Variants in PLG observed in about 807,000 individuals in gnomAD.
The protein encoded by PLG is plasmin.
Under a neutral mutation model 104.4 loss-of-function variants are expected in PLG, and 41 were observed. The observed-to-expected ratio is 0.39, with a 90% confidence interval of 0.31 to 0.51. PLG has a LOEUF of 0.51. PLG is among the 20% of genes least tolerant of loss of function. The pLI is 0.76. For missense variants in PLG, 891 were observed against 1,003.6 expected, an observed-to-expected ratio of 0.89 and a Z score of 1.52; for synonymous variants, 337 against 357.1, an observed-to-expected ratio of 0.94 and a Z score of 0.63.
chr6:160,718,456 A>T lies in PLG; in HGVS notation c.950A>T (p.Lys317Ile), dbSNP rs777354540. Residue 317 changes from lysine to isoleucine, a missense_variant and splice_region_variant, in exon 8 of 19, where the codon AAA becomes ATA. Physicochemically the swap from Lys to Ile is moderately radical, Grantham distance 102. Around this residue, in one of 2 missense-constraint regions of PLG, gnomAD observed 854 missense variants for 932.1 expected, o/e 0.92. Transcript: ENST00000308192. ...HNRTPENFPC[K>I]NLDENYCRNP... ...AGGACACCAGAAAACTTCCCCTGCA[A>T]GTAAGTCCCCTCCGGTCTCATTCTG... 5.0e-6 allele frequency: 8 copies of T among 1,610,242 alleles called. No homozygotes were observed. The highest frequency in any genetic ancestry group is 6.0e-6 in the Non-Finnish European group (7 of 1,176,420).
intron 4 of PLG, 102 bp from the exon 5 acceptor site, chr6:160,712,884 A>G: frequency 1.1e-6 from 1 of 890,234 alleles, no homozygotes; most frequent in Non-Finnish European, 1.9e-6. Flanking sequence ...ATGCATTTGG[A>G]TGACAATCTC....
At chr6:160,710,122 A>G (rs1232483802) in intron 3 of PLG, among the ~76,000 whole-genome samples, 1 of 152,194 alleles carries the variant, frequency 6.6e-6, no homozygotes, top group African/African-American at 2.4e-5. Flanking sequence ...CTGAATGTGT[A>G]AAACCTTTAG....
At position 160,737,092 on chromosome 6, in the gene PLG, G is replaced by A; in HGVS notation, c.1802+85G>A. ...TCTACATTTACATAAAATCCACACAGCTGAGGCATCAGCACCTGCCTCTAA... is the reference window on the plus strand; with the variant it reads ...TCTACATTTACATAAAATCCACACAACTGAGGCATCAGCACCTGCCTCTAA... On this transcript the variant is annotated intron_variant, in intron 14 of 18. Transcript: ENST00000308192. This position sits in a 1 kb window ranked among gnomAD's most constrained non-coding sequence, Gnocchi z 4.7. The A allele has an allele frequency of 6.3e-7, 1 of 1,579,640 alleles. No individual in the cohort carries two copies. The highest frequency in any genetic ancestry group is 8.6e-7 in the Non-Finnish European group (1 of 1,157,490).
chr6:160,729,591 G>A (rs751304656), intron 10 of PLG, among the ~76,000 whole-genome samples: 1 of 152,180 alleles, frequency 6.6e-6, no homozygotes, highest in Non-Finnish European at 1.5e-5. Flanking sequence ...AGGATGGATG[G>A]AACTCAAAAA....
chr6:160,746,698 A>G (rs1217045781), intron 17 of PLG, among the ~76,000 whole-genome samples: 4 of 152,320 alleles, frequency 2.6e-5, no homozygotes, highest in Non-Finnish European at 4.4e-5. Context: ...TTTGGAGGAC[A>G]TATGGCACTC....
Position 160,725,743 on chromosome 6 carries a change from A to G in PLG, c.1256+3176A>G, listed in dbSNP as rs1777911418. The stretch of plus-strand genomic sequence containing the variant: ...ACATGCTCTTTAATTGTAAAGAGCT[A>G]GTCCAAAAACCAAGTGTGGAAAATG... On this transcript the variant is annotated intron_variant, in intron 10 of 18. Transcript: ENST00000308192. This position sits in a 1 kb window ranked among gnomAD's most constrained non-coding sequence, Gnocchi z 6.3. Among the ~76,000 whole-genome samples, 1 of 152,304 alleles carries G rather than the reference A, an allele frequency of 6.6e-6. No individual in the cohort carries two copies. Among genetic ancestry groups the G allele is most frequent in the Admixed American group, 6.5e-5 (1 of 15,290 alleles).
chr6:160,726,058 G>GA lies in PLG; in HGVS notation c.1256+3497dup, dbSNP rs1001649141. On this transcript the variant is annotated intron_variant, in intron 10 of 18. Coordinates refer to ENST00000308192, the MANE Select transcript of PLG (RefSeq NM_000301.5). The surrounding 1 kb of genome is among the most constrained non-coding windows in gnomAD (Gnocchi z 4.4). Reference sequence around the variant, plus strand: ...ACATCTTCCCAAACAAAATATAATAGAAAAAATACACAAAAAAATCAGAAA... The same window carrying GA: ...ACATCTTCCCAAACAAAATATAATAGAAAAAAATACACAAAAAAATCAGAAA... 6.6e-6 allele frequency among the ~76,000 whole-genome samples: 1 copy of GA among 151,774 alleles called. No individual in the cohort carries two copies. The highest frequency in any genetic ancestry group is 1.9e-4 in the East Asian group (1 of 5,190).
At chr6:160,722,057 C>A (rs751466829) in intron 9 of PLG, among the ~76,000 whole-genome samples, 1 of 152,112 alleles carries the variant, frequency 6.6e-6, no homozygotes. Flanking sequence ...CCACTGACAG[C>A]CACTCACCAC....
chr6:160,704,040 C>T (rs889707662), intron 1 of PLG, among the ~76,000 whole-genome samples: 7 of 152,228 alleles, frequency 4.6e-5, no homozygotes, highest in African/African-American at 1.7e-4. Context: ...CACATTCACA[C>T]ACCACAGTGA....
intron 17 of PLG, among the ~76,000 whole-genome samples, chr6:160,747,293 G>A (rs998756940): frequency 2.6e-5 from 4 of 152,172 alleles, no homozygotes; most frequent in Non-Finnish European, 5.9e-5. Context: ...GCAGGATATG[G>A]TATCAGCACC....
chr6:160,727,672 G>A (rs1337814757), intron 10 of PLG, among the ~76,000 whole-genome samples: 2 of 151,920 alleles, frequency 1.3e-5, no homozygotes, highest in Non-Finnish European at 2.9e-5. Context: ...GAATAAAAGT[G>A]ATAAATCATA....
chr6:160,718,661 G>A (rs998859573), intron 8 of PLG, 32 bp from the exon 9 acceptor site: 7 of 1,610,982 alleles, frequency 4.3e-6, no homozygotes, highest in Non-Finnish European at 5.1e-6. Flanking sequence ...TTTCTTTTTG[G>A]AAAGCTAAAC....
chr6:160,741,397 C>G lies in PLG; in HGVS notation c.2105C>G (p.Thr702Ser), dbSNP rs1444733120. Residue 702 changes from threonine (T) to serine (S), a missense_variant, in exon 17 of 19, where the codon ACT becomes AGT. Physicochemically the swap from Thr to Ser is moderately conservative, Grantham distance 58 (BLOSUM62 1). This residue lies in a region of PLG where 854 missense variants were observed against 932.1 expected (regional missense o/e 0.92). Transcript: ENST00000308192. This position sits in a 1 kb window ranked among gnomAD's most constrained non-coding sequence, Gnocchi z 4.7. ...GCTGACCGGACCGAATGTTTCATCA[C>G]TGGCTGGGGAGAAACCCAAGGTGAG... is the stretch of plus-strand genomic sequence containing the variant. Reference protein sequence around the residue: ...VVADRTECFITGWGETQGTFG... With the variant: ...VVADRTECFISGWGETQGTFG... 1 of 1,611,218 alleles carries G rather than the reference C, an allele frequency of 6.2e-7. No homozygotes were observed. Among genetic ancestry groups the G allele is most frequent in the Non-Finnish European group, 8.5e-7 (1 of 1,177,376 alleles).
intron 4 of PLG, chr6:160,711,480 G>A: frequency 4.3e-6 from 5 of 1,170,786 alleles, no homozygotes; most frequent in Non-Finnish European, 6.0e-6. Flanking sequence ...TCCATCCACA[G>A]TTGGTTGAAT....
intron 1 of PLG, 40 bp from the exon 2 acceptor site, chr6:160,706,367 T>C: frequency 6.2e-7 from 1 of 1,610,578 alleles, no homozygotes; most frequent in East Asian, 2.2e-5. Flanking sequence ...TTGACATTGA[T>C]TTACTGACCA....
intron 10 of PLG, among the ~76,000 whole-genome samples, chr6:160,729,829 A>G (rs926224529): frequency 4.6e-5 from 7 of 152,222 alleles, no homozygotes. Context: ...AGTATAGGTG[A>G]TCATCAAAAC....
At chr6:160,730,989 G>C (rs4252124) in intron 10 of PLG, 62 bp from the exon 11 acceptor site, 33 of 1,508,778 alleles carry the variant, frequency 2.2e-5, no homozygotes, top group Non-Finnish European at 3.0e-5. Context: ...AATGTAGAGG[G>C]TGCTGGGTGC....
At position 160,734,094 on chromosome 6, in the gene PLG, T is replaced by C; in HGVS notation, c.1681+6T>C. The C allele has an allele frequency of 6.4e-7, 1 of 1,552,114 alleles. No individual in the cohort carries two copies. Among genetic ancestry groups the C allele is most frequent in the Non-Finnish European group, 8.9e-7 (1 of 1,123,962 alleles). On this transcript the variant is annotated splice_donor_region_variant and intron_variant, in intron 13 of 18. Coordinates refer to ENST00000308192, the MANE Select transcript of PLG (RefSeq NM_000301.5). The surrounding 1 kb of genome is among the most constrained non-coding windows in gnomAD (Gnocchi z 4.4). ...CTGTGATGTCCCTCAGTGTGGTAGG[T>C]TGCCTTCTTTTTGGTAAGGAAACTG...
At position 160,711,180 on chromosome 6, in the gene PLG, C is replaced by G; in HGVS notation, c.396C>G (p.Pro132=). 7 of 1,613,340 alleles carry G rather than the reference C, an allele frequency of 4.3e-6. No individual in the cohort carries two copies. Among genetic ancestry groups the G allele is most frequent in the Non-Finnish European group, 5.9e-6 (7 of 1,179,336 alleles). The change falls in exon 4 of 19, where the codon CCC becomes CCG. Residue 132 remains proline (P), a synonymous_variant. Transcript: ENST00000308192. ...ITCQKWSSTS[P]HRPRFSPATH... Reference sequence around the variant, plus strand: ...GTCAAAAATGGAGTTCCACTTCTCCCCACAGACCTAGGTAAGACATTCCCT... The same window carrying G: ...GTCAAAAATGGAGTTCCACTTCTCCGCACAGACCTAGGTAAGACATTCCCT...
Sources: allele counts gnomAD v4.1 joint callset (sites outside exome capture counted in the v4.1 genomes callset), GRCh38; gene constraint gnomAD v4.1.1; regional missense constraint gnomAD v4.1.1; non-coding constraint Gnocchi (gnomAD v3.1); transcripts MANE v1.5; gene names NCBI Gene and HGNC (gene_info 2026-07-23, HGNC 2026-07-21).